The following ALG14 variants were observed in gnomAD, a reference collection of about 807,000 sequenced individuals.
ALG14 encodes the protein ALG14 UDP-N-acetylglucosaminyltransferase subunit.
A neutral mutation model predicts 22.8 loss-of-function variants in ALG14; 17 were observed. That is an observed-to-expected ratio of 0.75 (90% CI 0.51 to 1.12). The LOEUF is 1.12. Among genes scored for constraint, ALG14 ranks in the 50% most tolerant of loss-of-function variants. The pLI is 0.00. For synonymous variants in ALG14, 89 were observed against 103.7 expected, an observed-to-expected ratio of 0.86 and a Z score of 0.86; for missense variants, 288 against 271.8, an observed-to-expected ratio of 1.06 and a Z score of -0.42.
chr1:94,997,609 C>T (rs911796021), intron 3 of ALG14, among the ~76,000 whole-genome samples: 4 of 152,100 alleles, frequency 2.6e-5, no homozygotes, highest in South Asian at 4.1e-4. Flanking sequence ...CCTGTGTGAC[C>T]GTGGGGGAAT....
chr1:95,016,270 T>G (rs774472624), intron 3 of ALG14, among the ~76,000 whole-genome samples: 1 of 148,892 alleles, frequency 6.7e-6, no homozygotes, highest in Non-Finnish European at 1.5e-5. Flanking sequence ...ACAAGAACTG[T>G]TTTTTTTTTA....
intron 3 of ALG14, among the ~76,000 whole-genome samples, chr1:94,994,991 C>G (rs568274259): frequency 6.6e-6 from 1 of 152,240 alleles, no homozygotes; most frequent in Admixed American, 6.5e-5. Context: ...GGCTTGAATT[C>G]AAAGTGATTA....
intron 2 of ALG14, among the ~76,000 whole-genome samples, chr1:95,032,986 G>A (rs937800897): frequency 1.3e-5 from 2 of 152,176 alleles, no homozygotes; most frequent in South Asian, 4.1e-4. Context: ...TTGAAGACAA[G>A]GGAATGAGAC....
intron 2 of ALG14, among the ~76,000 whole-genome samples, chr1:95,054,662 AATCTTG>A (rs2100820327): frequency 6.6e-6 from 1 of 152,336 alleles, no homozygotes; most frequent in Non-Finnish European, 1.5e-5. Flanking sequence ...AAGAAACACA[AATCTTG>A]AAGAGTCCTA....
intron 3 of ALG14, among the ~76,000 whole-genome samples, chr1:95,000,262 G>A (rs751674093): frequency 7.9e-5 from 12 of 151,982 alleles, no homozygotes; most frequent in Non-Finnish European, 1.6e-4. Flanking sequence ...CTGGCCAGGC[G>A]CAGTGGCTCA....
chr1:95,053,123 A>G (rs1674808578), intron 2 of ALG14, among the ~76,000 whole-genome samples: 1 of 152,212 alleles, frequency 6.6e-6, no homozygotes, highest in Non-Finnish European at 1.5e-5. Flanking sequence ...TGAATTTTTA[A>G]AATTCTGCTA....
intron 3 of ALG14, among the ~76,000 whole-genome samples, chr1:95,008,182 A>C (rs1673268962): frequency 6.6e-6 from 1 of 152,208 alleles, no homozygotes; most frequent in African/African-American, 2.4e-5. Context: ...GGCTCACGGA[A>C]ATACAAGTCC....
chr1:95,043,192 C>T (rs1345156432), intron 2 of ALG14, among the ~76,000 whole-genome samples: 9 of 152,102 alleles, frequency 5.9e-5, no homozygotes, highest in Non-Finnish European at 1.5e-5. Flanking sequence ...TAGTTCCTTT[C>T]GTTAGTTTTC....
chr1:95,013,978 C>T (rs1296884986), intron 3 of ALG14, among the ~76,000 whole-genome samples: 6 of 150,258 alleles, frequency 4.0e-5, no homozygotes, highest in Non-Finnish European at 5.9e-5. Context: ...TGATTCCCCA[C>T]TTGAATTATG....
intron 2 of ALG14, among the ~76,000 whole-genome samples, chr1:95,048,794 C>G (rs1328603804): frequency 1.4e-5 from 2 of 146,636 alleles, no homozygotes; most frequent in African/African-American, 5.0e-5. Context: ...GTCAAATATC[C>G]TTTTTTTTTT....
At chr1:95,065,921 G>A (rs1466467668) in intron 1 of ALG14, among the ~76,000 whole-genome samples, 1 of 152,124 alleles carries the variant, frequency 6.6e-6, no homozygotes, top group Non-Finnish European at 1.5e-5. Context: ...AACAACAATA[G>A]AATATCTACC....
intron 3 of ALG14, among the ~76,000 whole-genome samples, chr1:95,001,795 C>T (rs923699832): frequency 6.6e-6 from 1 of 152,108 alleles, no homozygotes; most frequent in Admixed American, 6.5e-5. Flanking sequence ...CAAACCCAGC[C>T]GTTTCTATGT....
chr1:95,004,358 A>G (rs1394465136), intron 3 of ALG14, among the ~76,000 whole-genome samples: 2 of 151,110 alleles, frequency 1.3e-5, no homozygotes, highest in African/African-American at 4.9e-5. Flanking sequence ...AGTAGCTGGG[A>G]GTACAGGTGC....
At chr1:95,039,213 G>A (rs188952953) in intron 2 of ALG14, among the ~76,000 whole-genome samples, 1 of 152,186 alleles carries the variant, frequency 6.6e-6, no homozygotes. Context: ...CTGTATTTTG[G>A]TACGTAAGAA....
intron 1 of ALG14, among the ~76,000 whole-genome samples, chr1:95,065,600 G>A (rs933980045): frequency 3.3e-5 from 5 of 152,134 alleles, no homozygotes; most frequent in East Asian, 1.9e-4. Flanking sequence ...AATAAGGCAC[G>A]AAAGCAGGAT....
At chr1:95,038,402 T>C (rs986107142) in intron 2 of ALG14, among the ~76,000 whole-genome samples, 1 of 152,072 alleles carries the variant, frequency 6.6e-6, no homozygotes, top group Non-Finnish European at 1.5e-5. Flanking sequence ...GGCAGGAGAA[T>C]TGCTTAAACC....
intron 3 of ALG14, among the ~76,000 whole-genome samples, chr1:94,994,923 G>A (rs1003819483): frequency 6.6e-6 from 1 of 152,152 alleles, no homozygotes; most frequent in African/African-American, 2.4e-5. Flanking sequence ...AGAGAAAATG[G>A]TGAAATGGTT....
At chr1:94,996,377 G>A (rs1157891508) in intron 3 of ALG14, among the ~76,000 whole-genome samples, 1 of 152,192 alleles carries the variant, frequency 6.6e-6, no homozygotes, top group African/African-American at 2.4e-5. Context: ...GTGTTAAAGA[G>A]GAAAAGCAGT....
chr1:94,987,615 T>C (rs769449927), intron 3 of ALG14, among the ~76,000 whole-genome samples: 1 of 152,146 alleles, frequency 6.6e-6, no homozygotes, highest in Non-Finnish European at 1.5e-5. Flanking sequence ...TCAAGTCCCA[T>C]TGGCTGAAAC....
Sources: allele counts gnomAD v4.1 joint callset (sites outside exome capture counted in the v4.1 genomes callset), GRCh38; gene constraint gnomAD v4.1.1; transcripts MANE v1.5; gene names NCBI Gene and HGNC (gene_info 2026-07-23, HGNC 2026-07-21).